ZNF793: variants seen among roughly 807,000 people sequenced by gnomAD.
ZNF793 encodes zinc finger protein 793.
In ZNF793, 5 loss-of-function variants were observed where a neutral mutation model predicts 12.4. That is an observed-to-expected ratio of 0.40 (90% CI 0.21 to 0.84). The LOEUF is 0.84. ZNF793 is among the 40% of genes least tolerant of loss of function. The pLI is 0.35. For missense variants in ZNF793, 456 were observed against 495.0 expected (o/e 0.92, Z 0.75); for synonymous variants, 162 against 172.4 (o/e 0.94, Z 0.47).
chr19:37,537,758 A>C lies in ZNF793; in HGVS notation c.1100A>C (p.Tyr367Ser). 1 of 1,614,138 alleles carries C rather than the reference A, an allele frequency of 6.2e-7. No homozygotes were observed. Among genetic ancestry groups the C allele is most frequent in the Non-Finnish European group, 8.5e-7 (1 of 1,179,998 alleles). ...HWRTHTGEKP[Y>S]GCNECGKAFY... ...AGAACTCACACAGGAGAGAAGCCCT[A>C]TGGGTGCAATGAATGTGGGAAAGCT... The change falls in exon 8 of 8, where the codon TAT becomes TCT. Residue 367 changes from tyrosine to serine, a missense_variant. Tyr to Ser is a moderately radical substitution (Grantham distance 144). Transcript: ENST00000627814.
intron 6 of ZNF793, 64 bp from the exon 7 acceptor site, chr19:37,533,232 AGCCTTTAAAGCT>A: frequency 8.2e-7 from 1 of 1,226,322 alleles, no homozygotes; most frequent in Non-Finnish European, 1.2e-6. Context: ...TCTATTGTGC[AGCCTTTAAAGCT>A]GCCTGAGAGG....
At position 37,531,849 on chromosome 19, in the gene ZNF793, T is replaced by C. The variant is rs1367593259; in HGVS notation, c.16-507T>C. ...CCAGCAACACACAGTGGGTCTTCAATGTTTGTTGACTCAAAGTATGGATGG... is the reference window on the plus strand; with the variant it reads ...CCAGCAACACACAGTGGGTCTTCAACGTTTGTTGACTCAAAGTATGGATGG... On this transcript the variant is annotated intron_variant, in intron 5 of 7. Transcript: ENST00000627814. Among the ~76,000 whole-genome samples, 7 of 152,194 alleles carry C rather than the reference T, an allele frequency of 4.6e-5. No homozygotes were observed. In the East Asian group the frequency reaches 1.3e-3, roughly 29 times the overall value.
chr19:37,522,811 T>A (rs1457025120), intron 4 of ZNF793, among the ~76,000 whole-genome samples, 164 bp downstream of exon 4: 1 of 152,142 alleles, frequency 6.6e-6, no homozygotes, highest in East Asian at 1.9e-4. Flanking sequence ...TCATTACTGG[T>A]CACGTTAACT....
intron 3 of ZNF793, among the ~76,000 whole-genome samples, chr19:37,521,630 A>T (rs1384786683): frequency 6.6e-6 from 1 of 151,256 alleles, no homozygotes; most frequent in Admixed American, 6.6e-5. Flanking sequence ...TTTAGTAGAG[A>T]TGGGGTTTCA....
chr19:37,521,056 C>T (rs10419988), intron 3 of ZNF793, among the ~76,000 whole-genome samples: 3 of 151,492 alleles, frequency 2.0e-5, no homozygotes, highest in South Asian at 2.1e-4. Context: ...GGCACATTCT[C>T]GGCTCACTGC....
intron 7 of ZNF793, chr19:37,536,318 G>A (rs776217627): frequency 1.3e-4 from 50 of 396,648 alleles, no homozygotes; most frequent in Non-Finnish European, 2.0e-4. Flanking sequence ...TTGTTGAAAT[G>A]CAGAGTCTGA....
chr19:37,532,066 T>C (rs1864864672), intron 5 of ZNF793, among the ~76,000 whole-genome samples: 1 of 147,592 alleles, frequency 6.8e-6, no homozygotes, highest in African/African-American at 2.5e-5. Context: ...CAGGCTGGAG[T>C]GTAGTGGTGC....
rs2042541781 is a variant in ZNF793 at position 37,540,102 on chromosome 19, C to G, written c.*2223C>G. ...TCGAGATGGTGAAACCCCATCTCTA[C>G]TAAAAATACAAAAATTAGCCGGGTG... On this transcript the variant is annotated 3_prime_UTR_variant, in exon 8 of 8. Coordinates refer to ENST00000627814, the MANE Select transcript of ZNF793 (RefSeq NM_001013659.3). 6.6e-6 allele frequency: 1 copy of G among 151,638 alleles called. No homozygotes were observed. Among genetic ancestry groups the G allele is most frequent in the Non-Finnish European group, 1.5e-5 (1 of 67,920 alleles). The allele number at this position is 151,638 out of a possible 1,614,324, so 9.4% of individuals were successfully genotyped here.
In ZNF793 at chr19:37,533,396, C is replaced by G. The variant is rs2042477983; in HGVS notation, c.231C>G (p.His77Gln). The change falls in exon 7 of 8, where the codon CAC (histidine) becomes CAG (glutamine). Residue 77 changes from histidine (H) to glutamine (Q), a missense_variant. Physicochemically the swap from His to Gln is conservative, Grantham distance 24. Coordinates refer to ENST00000627814, the MANE Select transcript of ZNF793 (RefSeq NM_001013659.3). ...WIGEAACPGC[H>Q]CWEDIWRVNI... ...GTGAGGCAGCATGCCCGGGCTGCCA[C>G]TGTTGGGGTAAGTGTGATAAATCTA... 6.2e-7 allele frequency: 1 copy of G among 1,613,766 alleles called. No homozygotes were observed. The highest frequency in any genetic ancestry group is 1.3e-5 in the African/African-American group (1 of 74,896).
At chr19:37,526,554 C>G (rs1429002105) in intron 5 of ZNF793, among the ~76,000 whole-genome samples, 1 of 152,246 alleles carries the variant, frequency 6.6e-6, no homozygotes, top group Non-Finnish European at 1.5e-5. Context: ...GACTGCTGCT[C>G]TTACTACCCT....
At chr19:37,536,202 C>T (rs1162464158) in intron 7 of ZNF793, 2 of 369,470 alleles carry the variant, frequency 5.4e-6, no homozygotes, top group Non-Finnish European at 9.6e-6. Context: ...CCTTAGAGTG[C>T]TTTACCGTTT....
intron 5 of ZNF793, 73 bp downstream of exon 5, chr19:37,523,527 TG>T: frequency 7.1e-7 from 1 of 1,417,912 alleles, no homozygotes; most frequent in Non-Finnish European, 1.0e-6. Flanking sequence ...GGGTGTGCAT[TG>T]TAAGTATGTA....
chr19:37,533,306 A>G lies in ZNF793; in HGVS notation c.143-2A>G. 2 of 1,613,866 alleles carry G rather than the reference A, an allele frequency of 1.2e-6. No individual in the cohort carries two copies. Among genetic ancestry groups the G allele is most frequent in the South Asian group, 2.2e-5 (2 of 91,076 alleles). On this transcript the variant is annotated splice_acceptor_variant, in intron 6 of 7. Coordinates refer to ENST00000627814, the MANE Select transcript of ZNF793 (RefSeq NM_001013659.3). LOFTEE classifies it high-confidence loss of function. ...AGACCTGCATCAATTTCCCCGGAACAGGTTATGAAGGCACCAAACCAGATG... is the reference window on the plus strand; with the variant it reads ...AGACCTGCATCAATTTCCCCGGAACGGGTTATGAAGGCACCAAACCAGATG...
chr19:37,528,622 T>A (rs1012866917), intron 5 of ZNF793, among the ~76,000 whole-genome samples: 4 of 152,152 alleles, frequency 2.6e-5, no homozygotes, highest in Non-Finnish European at 5.9e-5. Flanking sequence ...CACCAGGACC[T>A]TCCTAGGCTG....
intron 6 of ZNF793, 62 bp from the exon 7 acceptor site, chr19:37,533,246 C>T (rs892765638): frequency 7.0e-7 from 1 of 1,424,814 alleles, no homozygotes; most frequent in Non-Finnish European, 9.9e-7. Flanking sequence ...TTTAAAGCTG[C>T]CTGAGAGGCC....
At chr19:37,519,777 G>T (rs537986968) in intron 2 of ZNF793, among the ~76,000 whole-genome samples, 114 of 152,276 alleles carry the variant, frequency 7.5e-4, no homozygotes, top group Non-Finnish European at 1.1e-3. Context: ...AAATGATAGG[G>T]ATACTGAGAC....
In ZNF793 at chr19:37,527,408, C is replaced by A. The variant is rs566594331; in HGVS notation, c.15+3954C>A. Among the ~76,000 whole-genome samples the A allele has an allele frequency of 1.4e-4, 21 of 152,264 alleles. No homozygotes were observed. In the South Asian group the frequency reaches 4.1e-3, roughly 30 times the overall value. ...CAAAATATTGATTTATATGATTTTT[C>A]TTCTTAAATAAAATAGGCAAATTTA... On this transcript the variant is annotated intron_variant, in intron 5 of 7. Transcript: ENST00000627814.
In ZNF793 at chr19:37,543,256, C is replaced by G. The variant is rs897832497; in HGVS notation, c.*5377C>G. On this transcript the variant is annotated 3_prime_UTR_variant, in exon 8 of 8. Transcript: ENST00000627814. ...GAAGGGTAATAAGTTTTCTGAATAC[C>G]TTTGCATTGTCTTGTTCACATATAT... 1 of 152,154 alleles carries G rather than the reference C, an allele frequency of 6.6e-6. No homozygotes were observed. Among genetic ancestry groups the G allele is most frequent in the South Asian group, 2.1e-4 (1 of 4,834 alleles). The allele number at this position is 152,154 out of a possible 1,614,324, so 9.4% of individuals were successfully genotyped here. A position where few individuals can be genotyped will look rare whatever the true frequency, so the allele number is the denominator to read the frequency against.
Position 37,538,126 on chromosome 19 carries a change from A to C in ZNF793, c.*247A>C, listed in dbSNP as rs544450615. The stretch of plus-strand genomic sequence containing the variant: ...GAGACGGGGTTTCACCGTGTTAGCC[A>C]GGATGGTCTCGATCTCCTGACCTTG... On this transcript the variant is annotated 3_prime_UTR_variant, in exon 8 of 8. Transcript: ENST00000627814. 20 of 378,088 alleles carry C rather than the reference A, an allele frequency of 5.3e-5. No individual in the cohort carries two copies. Among genetic ancestry groups the C allele is most frequent in the South Asian group, 4.2e-4 (13 of 30,722 alleles). The allele number at this position is 378,088 out of a possible 1,614,324, so 23.4% of individuals were successfully genotyped here.
Sources: gnomAD v4.1 joint callset for allele counts (sites outside exome capture counted in the v4.1 genomes callset) on GRCh38, gnomAD v4.1.1 for gene constraint, MANE v1.5 for transcripts, NCBI Gene and HGNC (gene_info 2026-07-23, HGNC 2026-07-21) for gene names.